PLEKHH2: variants seen among roughly 807,000 people sequenced by gnomAD.
The protein encoded by PLEKHH2 is pleckstrin homology, MyTH4 and FERM domain containing H2.
PLEKHH2 carries 129 observed loss-of-function variants against 187.9 expected under a neutral mutation model. The ratio of observed to expected loss-of-function variants is 0.69; its 90% CI spans 0.59 to 0.79. PLEKHH2 has a LOEUF of 0.79. Ranked by LOEUF, PLEKHH2 falls within the 30% of genes least tolerant of loss-of-function variation. The pLI, the probability that PLEKHH2 is intolerant of heterozygous loss-of-function variation, is 0.00. For missense variants in PLEKHH2, 2,076 were observed against 1,751.2 expected (o/e 1.19, Z -3.31); for synonymous variants, 686 against 605.6 (o/e 1.13, Z -1.95).
chr2:43,711,204 A>C (rs1462674937), intron 14 of PLEKHH2: 1 of 985,398 alleles, frequency 1.0e-6, no homozygotes, highest in Non-Finnish European at 1.2e-6. Context: ...GTCTTCAATA[A>C]CCATTATTTT....
intron 14 of PLEKHH2, chr2:43,711,899 A>C: frequency 1.0e-6 from 1 of 994,540 alleles, no homozygotes; most frequent in Non-Finnish European, 1.2e-6. Flanking sequence ...GTCTCAAAAA[A>C]AAAAAAAAAA....
chr2:43,742,683 C>T (rs1193255540), intron 21 of PLEKHH2, 58 bp from the exon 22 acceptor site: 12 of 1,284,572 alleles, frequency 9.3e-6, no homozygotes, highest in African/African-American at 3.1e-5. Flanking sequence ...AATGGTTGCA[C>T]ATATTAGGTT....
At chr2:43,725,954 AT>A (rs1280706560) in intron 16 of PLEKHH2, among the ~76,000 whole-genome samples, 5 of 144,162 alleles carry the variant, frequency 3.5e-5, no homozygotes, top group Admixed American at 6.7e-5. Flanking sequence ...CCAAAAAAAA[AT>A]CATTTTTTTT....
In PLEKHH2 at chr2:43,640,688, T is replaced by C. The variant is rs531289014; in HGVS notation, c.-4+3309T>C. Among the ~76,000 whole-genome samples, 36 of 152,356 alleles carry C rather than the reference T, an allele frequency of 2.4e-4. No individual in the cohort carries two copies. In the South Asian group the frequency reaches 7.5e-3, roughly 32 times the overall value. On this transcript the variant is annotated intron_variant, in intron 1 of 29. Coordinates refer to ENST00000282406, the MANE Select transcript of PLEKHH2 (RefSeq NM_172069.4). Reference sequence around the variant, plus strand: ...TGACTTTGATTTGCATTTTCTCTCATAGCAAATAATGTGCTTATTGGCCAT... The same window carrying C: ...TGACTTTGATTTGCATTTTCTCTCACAGCAAATAATGTGCTTATTGGCCAT...
At chr2:43,724,550 A>G (rs552213404) in intron 16 of PLEKHH2, among the ~76,000 whole-genome samples, 79 of 152,320 alleles carry the variant, frequency 5.2e-4, no homozygotes, top group African/African-American at 1.8e-3. Flanking sequence ...AAAATTTAAT[A>G]TAAATTGGCT....
intron 17 of PLEKHH2, 40 bp downstream of exon 17, chr2:43,726,491 C>CCAATATCTGAA: frequency 6.7e-7 from 1 of 1,490,340 alleles, no homozygotes; most frequent in South Asian, 1.2e-5. Context: ...ATGATGTAGA[C>CCAATATCTGAA]TAATATTATT....
intron 2 of PLEKHH2, among the ~76,000 whole-genome samples, chr2:43,666,482 C>A (rs1192682941): frequency 2.0e-5 from 3 of 147,184 alleles, no homozygotes; most frequent in African/African-American, 8.2e-5. Context: ...TCCTATTCGG[C>A]CATCTTGGCT....
chr2:43,753,966 A>G (rs1239669963), intron 25 of PLEKHH2, among the ~76,000 whole-genome samples: 1 of 152,192 alleles, frequency 6.6e-6, no homozygotes, highest in African/African-American at 2.4e-5. Context: ...GTATTCCATA[A>G]AGAGAACCCA....
chr2:43,757,319 A>G lies in PLEKHH2; in HGVS notation c.3941+55A>G, dbSNP rs368067933. On this transcript the variant is annotated intron_variant, in intron 26 of 29. Transcript: ENST00000282406. ...GTAGGGTCATACTAGTTTTTTGGTA[A>G]TATTTTTGTGTTCAAATTTTAAAGG... The G allele has an allele frequency of 4.7e-5, 62 of 1,306,010 alleles. No individual in the cohort carries two copies. In the East Asian group the frequency reaches 1.7e-3, roughly 36 times the overall value. The allele number at this position is 1,306,010 out of a possible 1,614,324, so 80.9% of individuals were successfully genotyped here.
intron 16 of PLEKHH2, among the ~76,000 whole-genome samples, chr2:43,722,463 G>A (rs931719429): frequency 6.6e-6 from 1 of 152,130 alleles, no homozygotes; most frequent in Non-Finnish European, 1.5e-5. Context: ...GGAAGCTTCA[G>A]TGAATCTTAC....
chr2:43,741,165 C>G (rs1671545118), intron 21 of PLEKHH2, 122 bp downstream of exon 21: 3 of 823,412 alleles, frequency 3.6e-6, no homozygotes, highest in Non-Finnish European at 5.3e-6. Flanking sequence ...AATATTGGTA[C>G]AGGAAGCCTT....
intron 24 of PLEKHH2, among the ~76,000 whole-genome samples, chr2:43,746,794 C>T (rs1319759839): frequency 6.6e-6 from 1 of 151,864 alleles, no homozygotes; most frequent in Admixed American, 6.6e-5. Flanking sequence ...TATGGTGAAA[C>T]CCCATCTCTA....
Position 43,738,536 on chromosome 2 carries a change from G to A in PLEKHH2, c.3123+16G>A. The A allele has an allele frequency of 6.3e-7, 1 of 1,581,364 alleles. No individual in the cohort carries two copies. Among genetic ancestry groups the A allele is most frequent in the Non-Finnish European group, 8.6e-7 (1 of 1,159,026 alleles). On this transcript the variant is annotated intron_variant, in intron 20 of 29. Transcript: ENST00000282406. ...ACCATTGCAGGTAGATATTAATATT[G>A]ATACATATACATGCAATTTAAAGTG...
intron 3 of PLEKHH2, among the ~76,000 whole-genome samples, chr2:43,685,293 CTTTG>C (rs1363996011): frequency 6.6e-6 from 1 of 152,160 alleles, no homozygotes; most frequent in Admixed American, 6.5e-5. Flanking sequence ...ACATTTTTCC[CTTTG>C]TTTATCAATG....
At chr2:43,675,844 T>C (rs1428045574) in intron 2 of PLEKHH2, 1 of 1,613,882 alleles carries the variant, frequency 6.2e-7, no homozygotes. Context: ...CTGGGATGCA[T>C]CCCTTGTAAA....
chr2:43,757,568 G>A (rs1356398886), intron 26 of PLEKHH2, among the ~76,000 whole-genome samples: 3 of 151,762 alleles, frequency 2.0e-5, no homozygotes, highest in East Asian at 1.9e-4. Context: ...ACAGGCGCCC[G>A]CCACCACACC....
chr2:43,692,803 T>C, intron 4 of PLEKHH2, 140 bp downstream of exon 4: 1 of 927,864 alleles, frequency 1.1e-6, no homozygotes. Flanking sequence ...TTGCATCACA[T>C]TTATTGGTGA....
rs1455488628 is a variant in PLEKHH2, at chr2:43,765,767, A to G, written c.*169A>G. Reference sequence around the variant, plus strand: ...TTGATTCTTAAATATTCAAATAAATATTAACAGTAAAACATAAACACAAAA... The same window carrying G: ...TTGATTCTTAAATATTCAAATAAATGTTAACAGTAAAACATAAACACAAAA... On this transcript the variant is annotated 3_prime_UTR_variant, in exon 30 of 30. Coordinates refer to ENST00000282406, the MANE Select transcript of PLEKHH2 (RefSeq NM_172069.4). 2 of 601,940 alleles carry G rather than the reference A, an allele frequency of 3.3e-6. No homozygotes were observed. The highest frequency in any genetic ancestry group is 5.2e-6 in the Non-Finnish European group (2 of 382,822). The allele number at this position is 601,940 out of a possible 1,614,324, so 37.3% of individuals were successfully genotyped here. A position where few individuals can be genotyped will look rare whatever the true frequency, so the allele number is the denominator to read the frequency against.
At chr2:43,741,121 TG>T in intron 21 of PLEKHH2, 78 bp downstream of exon 21, 1 of 1,281,932 alleles carries the variant, frequency 7.8e-7, no homozygotes, top group South Asian at 1.5e-5. Flanking sequence ...TTTAACGATC[TG>T]CCAGGTACAT....
Sources: gnomAD v4.1 joint callset for allele counts (sites outside exome capture counted in the v4.1 genomes callset) on GRCh38, gnomAD v4.1.1 for gene constraint, MANE v1.5 for transcripts, NCBI Gene and HGNC (gene_info 2026-07-23, HGNC 2026-07-21) for gene names.